The following ERC1 variants were observed in gnomAD, a reference collection of about 807,000 sequenced individuals.
The protein encoded by ERC1 is ELKS/RAB6-interacting/CAST family member 1, also known as RAB6 interacting protein 2.
ERC1 carries 56 observed loss-of-function variants against 132.0 expected under a neutral mutation model. That is an observed-to-expected ratio of 0.42 (90% confidence interval 0.34 to 0.53). The LOEUF is 0.53. ERC1 is among the 20% of genes least tolerant of loss of function. The probability of loss-of-function intolerance (pLI) is 0.03; values close to 1 mark genes in which losing one functional copy is unlikely to be tolerated. For missense variants in ERC1, 1,202 were observed against 1,349.9 expected (o/e 0.89, Z 1.72); for synonymous variants, 478 against 476.1 (o/e 1.00, Z -0.05).
intron 2 of ERC1, among the ~76,000 whole-genome samples, chr12:1,053,554 T>C (rs1226341100): frequency 6.6e-6 from 1 of 152,230 alleles, no homozygotes; most frequent in East Asian, 1.9e-4. Flanking sequence ...CTTAACTGTC[T>C]CATGAAAATC....
intron 7 of ERC1, among the ~76,000 whole-genome samples, chr12:1,124,072 C>T (rs1340668085): frequency 6.6e-6 from 1 of 152,120 alleles, no homozygotes; most frequent in Non-Finnish European, 1.5e-5. Flanking sequence ...GTGCTCCTGT[C>T]AGAATTTGAT....
chr12:1,265,703 T>G (rs2077436824), intron 14 of ERC1, among the ~76,000 whole-genome samples: 1 of 152,198 alleles, frequency 6.6e-6, no homozygotes, highest in Admixed American at 6.5e-5. Flanking sequence ...GCCCTTAAAG[T>G]ATCATGCCCC....
intron 18 of ERC1, among the ~76,000 whole-genome samples, chr12:1,455,714 G>T (rs1038016585): frequency 6.6e-6 from 1 of 152,180 alleles, no homozygotes; most frequent in African/African-American, 2.4e-5. Context: ...CAATGAGAAC[G>T]TTTTTGACAA....
chr12:1,488,010 C>T (rs1331430923), intron 18 of ERC1, among the ~76,000 whole-genome samples: 1 of 151,788 alleles, frequency 6.6e-6, no homozygotes, highest in Non-Finnish European at 1.5e-5. Flanking sequence ...TGGTAGCAGG[C>T]GCCTGTAGTC....
chr12:1,477,986 T>C, intron 18 of ERC1, among the ~76,000 whole-genome samples: 1 of 152,252 alleles, frequency 6.6e-6, no homozygotes, highest in East Asian at 1.9e-4. Flanking sequence ...ACAAATTGTT[T>C]ATCGTCTGTT....
At chr12:1,095,845 G>C (rs1225700423) in intron 3 of ERC1, among the ~76,000 whole-genome samples, 1 of 152,060 alleles carries the variant, frequency 6.6e-6, no homozygotes. Context: ...TTTGAGCAAT[G>C]GGTTTTAAAA....
At chr12:1,393,419 C>T (rs144501840) in intron 16 of ERC1, among the ~76,000 whole-genome samples, 54 of 152,262 alleles carry the variant, frequency 3.5e-4, no homozygotes, top group Non-Finnish European at 7.2e-4. Flanking sequence ...TCTGTAGTCC[C>T]AGGCCTTAGG....
At chr12:1,231,914 A>G (rs1432485663) in intron 12 of ERC1, among the ~76,000 whole-genome samples, 1 of 151,966 alleles carries the variant, frequency 6.6e-6, no homozygotes, top group Admixed American at 6.6e-5. Flanking sequence ...TAATTTTTGT[A>G]TTTTTAGTAG....
At chr12:1,060,422 C>A (rs978343751) in intron 2 of ERC1, among the ~76,000 whole-genome samples, 3 of 151,012 alleles carry the variant, frequency 2.0e-5, no homozygotes, top group African/African-American at 4.9e-5. Context: ...TGAGAACATG[C>A]GGTGTTTGGT....
At chr12:1,061,963 G>A (rs953044334) in intron 2 of ERC1, among the ~76,000 whole-genome samples, 10 of 140,300 alleles carry the variant, frequency 7.1e-5, no homozygotes, top group African/African-American at 2.3e-4. Context: ...GTTTTGGTAT[G>A]TTGTGTTTTT....
At chr12:1,004,868 ATTG>A (rs1270649779) in intron 1 of ERC1, among the ~76,000 whole-genome samples, 6 of 136,398 alleles carry the variant, frequency 4.4e-5, no homozygotes, top group African/African-American at 1.4e-4. Flanking sequence ...TTTTTTTCTC[ATTG>A]TTCATATAGA....
intron 14 of ERC1, among the ~76,000 whole-genome samples, chr12:1,284,352 A>G (rs1230781098): frequency 6.6e-6 from 1 of 151,052 alleles, no homozygotes; most frequent in Non-Finnish European, 1.5e-5. Context: ...ATGGACACTT[A>G]GGTTGATTCC....
intron 14 of ERC1, among the ~76,000 whole-genome samples, chr12:1,283,741 CAG>C (rs760825748): frequency 9.9e-5 from 15 of 152,098 alleles, no homozygotes; most frequent in African/African-American, 2.9e-4. Context: ...ATTTTACTAA[CAG>C]ATAAAAATCT....
At chr12:1,154,288 T>C (rs985278963) in intron 8 of ERC1, among the ~76,000 whole-genome samples, 2 of 148,444 alleles carry the variant, frequency 1.3e-5, no homozygotes, top group East Asian at 2.0e-4. Context: ...CATGTATATA[T>C]ACACACACAC....
At chr12:1,118,814 C>T (rs954443269) in intron 7 of ERC1, among the ~76,000 whole-genome samples, 4 of 152,198 alleles carry the variant, frequency 2.6e-5, no homozygotes, top group African/African-American at 9.7e-5. Flanking sequence ...TTCGATCTAA[C>T]ACTCGGATTA....
intron 2 of ERC1, among the ~76,000 whole-genome samples, chr12:1,031,662 A>C (rs1245548516): frequency 6.6e-6 from 1 of 152,220 alleles, no homozygotes; most frequent in African/African-American, 2.4e-5. Context: ...TCAAAATTTG[A>C]ATGTTTTAAT....
chr12:1,166,064 G>A (rs1952395026), intron 8 of ERC1, among the ~76,000 whole-genome samples: 2 of 152,126 alleles, frequency 1.3e-5, no homozygotes, highest in Admixed American at 1.3e-4. Flanking sequence ...TTAAGGCTTT[G>A]GGGGATATTG....
At chr12:1,354,029 T>C (rs2085285968) in intron 15 of ERC1, among the ~76,000 whole-genome samples, 2 of 151,680 alleles carry the variant, frequency 1.3e-5, no homozygotes, top group South Asian at 4.2e-4. Context: ...ATAGACTTCT[T>C]CCACCAGTGC....
intron 8 of ERC1, among the ~76,000 whole-genome samples, chr12:1,177,026 G>A (rs1953808080): frequency 6.6e-6 from 1 of 152,100 alleles, no homozygotes; most frequent in Non-Finnish European, 1.5e-5. Context: ...TTATGGAGAC[G>A]GCTTCTTTCC....
Sources: gnomAD v4.1 joint callset for allele counts (sites outside exome capture counted in the v4.1 genomes callset) on GRCh38, gnomAD v4.1.1 for gene constraint, MANE v1.5 for transcripts, NCBI Gene and HGNC (gene_info 2026-07-23, HGNC 2026-07-21) for gene names.